The following RIMKLB variants were observed in gnomAD, a reference collection of about 807,000 sequenced individuals.
RIMKLB encodes beta-citrylglutamate synthase B.
A neutral mutation model predicts 32.0 loss-of-function variants in RIMKLB; 7 were observed. That is an observed-to-expected ratio of 0.22 (90% CI 0.12 to 0.41). The LOEUF (loss-of-function observed/expected upper bound fraction) is 0.41. RIMKLB is among the 10% of genes least tolerant of loss of function. The pLI is 1.00. For missense variants in RIMKLB, 289 were observed against 498.7 expected, an observed-to-expected ratio of 0.58 and a Z score of 4.00; for synonymous variants, 172 against 185.1, an observed-to-expected ratio of 0.93 and a Z score of 0.57.
chr12:8,670,026 CAAA>C, the RIMKLB span, among the ~76,000 whole-genome samples: 1 of 36,944 alleles, frequency 2.7e-5, no homozygotes, highest in Non-Finnish European at 5.6e-5. Flanking sequence ...GACTCCGTCT[CAAA>C]AAAAAAAAAA....
At chr12:8,778,877 T>C (rs772285395), downstream of RIMKLB, among the ~76,000 whole-genome samples, 1 of 152,262 alleles carries the variant, frequency 6.6e-6, no homozygotes, top group Non-Finnish European at 1.5e-5. Context: ...ATAGGAATTC[T>C]TGGCGTGTAA....
chr12:8,743,714 AT>A (rs1161914720), intron 2 of RIMKLB, among the ~76,000 whole-genome samples: 4 of 151,870 alleles, frequency 2.6e-5, no homozygotes, highest in Non-Finnish European at 5.9e-5. Context: ...CAACCTTTTA[AT>A]ACACACAATA....
the RIMKLB span, among the ~76,000 whole-genome samples, chr12:8,672,529 A>G: frequency 6.6e-6 from 1 of 152,138 alleles, no homozygotes; most frequent in Non-Finnish European, 1.5e-5. Context: ...GGAAGAAGCA[A>G]AAGTGGAAAC....
upstream of RIMKLB, among the ~76,000 whole-genome samples, chr12:8,693,082 C>T (rs909108125): frequency 1.3e-5 from 2 of 152,222 alleles, no homozygotes; most frequent in Admixed American, 1.3e-4. Flanking sequence ...GTTTCCTTGT[C>T]TTCAAACCCA....
At position 8,773,583 on chromosome 12, in the gene RIMKLB, C is replaced by T. The variant is rs760998764; in HGVS notation, c.960C>T (p.Ser320=). Residue 320 remains serine (S), a synonymous_variant, in exon 6 of 6, where the codon TCC becomes TCT. Transcript: ENST00000535829. ...GRLTRRMSLL[S]VVSTASETSE... is the part of the protein sequence containing the mutation. ...TCACCCGGCGTATGTCCCTGCTCTC[C>T]GTGGTGTCCACTGCCAGTGAGACTA... 11 of 1,614,252 alleles carry T rather than the reference C, an allele frequency of 6.8e-6. No individual in the cohort carries two copies. Among genetic ancestry groups the T allele is most frequent in the Non-Finnish European group, 9.3e-6 (11 of 1,180,044 alleles).
At chr12:8,678,996 A>C (rs1942360743), upstream of RIMKLB, 1 of 152,338 alleles carries the variant, frequency 6.6e-6, no homozygotes, top group Admixed American at 6.5e-5. Flanking sequence ...ATTCGTTGAA[A>C]AAACTCATTT....
intron 2 of RIMKLB, among the ~76,000 whole-genome samples, chr12:8,719,484 T>A (rs1238370490): frequency 5.9e-5 from 9 of 152,300 alleles, no homozygotes; most frequent in African/African-American, 2.2e-4. Context: ...TTCTCCTGCC[T>A]CAGCCTCCCA....
rs1202902439 is a variant in RIMKLB at position 8,776,132 on chromosome 12, G to A, written c.*2348G>A. The A allele has an allele frequency of 2.0e-6, 2 of 984,980 alleles. No individual in the cohort carries two copies. Among genetic ancestry groups the A allele is most frequent in the South Asian group, 4.7e-5 (1 of 21,266 alleles). The allele number at this position is 984,980 out of a possible 1,614,324, so 61.0% of individuals were successfully genotyped here. A position where few individuals can be genotyped will look rare whatever the true frequency, so the allele number is the denominator to read the frequency against. ...GTATGTAGTTCATGTTTGTGTTGGT[G>A]GGGTAAGGCATCAGGAAAAATGTAG... On this transcript the variant is annotated 3_prime_UTR_variant, in exon 6 of 6. Coordinates refer to ENST00000535829, the MANE Select transcript of RIMKLB (RefSeq NM_001297776.2).
At chr12:8,770,059 G>A (rs903439615) in intron 5 of RIMKLB, among the ~76,000 whole-genome samples, 6 of 150,608 alleles carry the variant, frequency 4.0e-5, no homozygotes, top group South Asian at 2.1e-4. Context: ...TGCAACCCCC[G>A]CTTCCCGGGT....
At chr12:8,753,461 A>G (rs1428871691) in intron 4 of RIMKLB, among the ~76,000 whole-genome samples, 1 of 152,254 alleles carries the variant, frequency 6.6e-6, no homozygotes, top group Non-Finnish European at 1.5e-5. Flanking sequence ...AACAGGCTAG[A>G]GAATTCAGAA....
chr12:8,697,681 CT>C, upstream of RIMKLB: 7 of 301,734 alleles, frequency 2.3e-5, no homozygotes, highest in African/African-American at 4.5e-5. Flanking sequence ...CTCGCGCTCC[CT>C]TTTCGCTCCC....
chr12:8,723,804 CTT>C (rs35269536), intron 2 of RIMKLB, among the ~76,000 whole-genome samples: 1,489 of 75,446 alleles, frequency 0.02, 14 homozygotes, highest in African/African-American at 0.075. Context: ...CTTCAGTTCC[CTT>C]TTTTTTTTTT....
chr12:8,759,637 A>G (rs991729530), intron 5 of RIMKLB, among the ~76,000 whole-genome samples: 2 of 152,160 alleles, frequency 1.3e-5, no homozygotes, highest in African/African-American at 2.4e-5. Flanking sequence ...TCTTTTGCAT[A>G]GCATTTCTGA....
At chr12:8,725,691 G>A (rs1177350569) in intron 2 of RIMKLB, among the ~76,000 whole-genome samples, 2 of 152,228 alleles carry the variant, frequency 1.3e-5, no homozygotes, top group African/African-American at 4.8e-5. Flanking sequence ...GCCATATGAA[G>A]CTGGTTTAAC....
intron 2 of RIMKLB, among the ~76,000 whole-genome samples, chr12:8,720,597 C>T (rs1945342694): frequency 6.6e-6 from 1 of 152,152 alleles, no homozygotes; most frequent in Non-Finnish European, 1.5e-5. Flanking sequence ...GGCCGGAGTG[C>T]AGTGGCGCGA....
Position 8,776,773 on chromosome 12 carries a change from AC to A in RIMKLB, c.*2992del. On this transcript the variant is annotated 3_prime_UTR_variant, in exon 6 of 6. Coordinates refer to ENST00000535829, the MANE Select transcript of RIMKLB (RefSeq NM_001297776.2). Reference sequence around the variant, plus strand: ...TGTATATGTTACCAATAAGAAAACTACCCTGGAACAGTAGAAAAACCCAACA... The same window carrying A: ...TGTATATGTTACCAATAAGAAAACTACCTGGAACAGTAGAAAAACCCAACA... 1.0e-6 allele frequency: 1 copy of A among 985,440 alleles called. No homozygotes were observed. Among genetic ancestry groups the A allele is most frequent in the Non-Finnish European group, 1.2e-6 (1 of 829,842 alleles). 61.0% of individuals were successfully genotyped at this position (985,440 alleles called of 1,614,324 possible).
At chr12:8,728,106 A>T (rs756277169) in intron 2 of RIMKLB, among the ~76,000 whole-genome samples, 1 of 152,002 alleles carries the variant, frequency 6.6e-6, no homozygotes, top group South Asian at 2.1e-4. Flanking sequence ...CTTTCTTACA[A>T]TTCCCATATC....
chr12:8,748,651 G>A (rs1948358533), intron 2 of RIMKLB, among the ~76,000 whole-genome samples: 1 of 150,266 alleles, frequency 6.7e-6, no homozygotes, highest in Non-Finnish European at 1.5e-5. Flanking sequence ...TAGGGTTTAA[G>A]AAGAAACTCG....
chr12:8,677,137 T>C (rs1008230577), upstream of RIMKLB, among the ~76,000 whole-genome samples: 1 of 152,174 alleles, frequency 6.6e-6, no homozygotes, highest in Non-Finnish European at 1.5e-5. Context: ...TTTTTCGTTT[T>C]CCACCACCTG....
Sources: allele counts gnomAD v4.1 joint callset (sites outside exome capture counted in the v4.1 genomes callset), GRCh38; gene constraint gnomAD v4.1.1; transcripts MANE v1.5; gene names NCBI Gene and HGNC (gene_info 2026-07-23, HGNC 2026-07-21).